POFUT3: variants seen among roughly 807,000 people sequenced by gnomAD.
POFUT3 encodes protein O-fucosyltransferase 3.
chr8:33,456,713 T>C, the POFUT3 span, among the ~76,000 whole-genome samples: 1 of 151,950 alleles, frequency 6.6e-6, no homozygotes, highest in Non-Finnish European at 1.5e-5. Context: ...ACCCAGTTTT[T>C]AAAAGTCCAT....
At chr8:33,314,152 T>C in the POFUT3 span, among the ~76,000 whole-genome samples, 1 of 152,180 alleles carries the variant, frequency 6.6e-6, no homozygotes, top group Non-Finnish European at 1.5e-5. Context: ...AATCAATTGA[T>C]GGCAGCTCAT....
chr8:33,470,913 T>C, the POFUT3 span, among the ~76,000 whole-genome samples: 1 of 152,146 alleles, frequency 6.6e-6, no homozygotes, highest in East Asian at 1.9e-4. Flanking sequence ...CAAGAGACAG[T>C]AATCCAGACA....
At chr8:33,453,816 G>A in the POFUT3 span, among the ~76,000 whole-genome samples, 2 of 151,932 alleles carry the variant, frequency 1.3e-5, no homozygotes, top group South Asian at 2.1e-4. Flanking sequence ...GCATGGTGGC[G>A]GCACACACCT....
At chr8:33,401,836 T>C in the POFUT3 span, among the ~76,000 whole-genome samples, 1 of 152,122 alleles carries the variant, frequency 6.6e-6, no homozygotes, top group Non-Finnish European at 1.5e-5. Context: ...GAGACCAGCC[T>C]GGCCAACATG....
At chr8:33,335,796 GA>G in the POFUT3 span, among the ~76,000 whole-genome samples, 2 of 152,080 alleles carry the variant, frequency 1.3e-5, no homozygotes, top group African/African-American at 4.8e-5. Context: ...ATCAAAAAGA[GA>G]AAATATATTT....
the POFUT3 span, among the ~76,000 whole-genome samples, chr8:33,312,373 C>A: frequency 2.0e-5 from 3 of 151,858 alleles, no homozygotes; most frequent in Non-Finnish European, 2.9e-5. Flanking sequence ...TGCCTACAAG[C>A]CAAGGCATGC....
At chr8:33,434,757 C>T in the POFUT3 span, among the ~76,000 whole-genome samples, 11 of 152,112 alleles carry the variant, frequency 7.2e-5, no homozygotes, top group East Asian at 2.1e-3. Flanking sequence ...GAGCGAGGCT[C>T]ACTGATGTGC....
chr8:33,423,817 G>GT, the POFUT3 span, among the ~76,000 whole-genome samples: 2 of 6,696 alleles, frequency 3.0e-4, no homozygotes, highest in Admixed American at 3.0e-3. Context: ...GGCACACCAA[G>GT]TAAAAAAAAA....
At chr8:33,350,699 G>GA in the POFUT3 span, among the ~76,000 whole-genome samples, 1 of 152,058 alleles carries the variant, frequency 6.6e-6, no homozygotes, top group South Asian at 2.1e-4. Flanking sequence ...TTTCCCAGTG[G>GA]AAAATTGATC....
the POFUT3 span, chr8:33,452,321 T>C: frequency 6.6e-6 from 1 of 152,152 alleles, no homozygotes; most frequent in Non-Finnish European, 1.5e-5. Flanking sequence ...ACAGCTCTAG[T>C]CATTTTCATC....
the POFUT3 span, among the ~76,000 whole-genome samples, chr8:33,329,016 T>G: frequency 1.7e-4 from 26 of 152,246 alleles, no homozygotes; most frequent in Admixed American, 1.7e-3. Context: ...ATGTAATGCC[T>G]AGTGAATCTA....
the POFUT3 span, among the ~76,000 whole-genome samples, chr8:33,380,961 C>G: frequency 1.3e-5 from 2 of 152,102 alleles, no homozygotes; most frequent in South Asian, 2.1e-4. Flanking sequence ...TAGTGAGACT[C>G]CAACTTTACA....
the POFUT3 span, chr8:33,389,748 C>T: frequency 6.2e-7 from 1 of 1,614,090 alleles, no homozygotes; most frequent in Non-Finnish European, 8.5e-7. Context: ...ACAGCCCAGT[C>T]ATGATGGGCT....
the POFUT3 span, among the ~76,000 whole-genome samples, chr8:33,407,985 C>T: frequency 1.1e-5 from 1 of 93,032 alleles, no homozygotes; most frequent in Non-Finnish European, 2.0e-5. Context: ...GAGACTCCAT[C>T]TCAAAAAAAA....
chr8:33,335,372 G>C, the POFUT3 span, among the ~76,000 whole-genome samples: 20 of 152,202 alleles, frequency 1.3e-4, no homozygotes, highest in Non-Finnish European at 2.1e-4. Flanking sequence ...CTATGAATAA[G>C]TACCTAATTA....
At chr8:33,318,697 T>A in the POFUT3 span, among the ~76,000 whole-genome samples, 64 of 78,162 alleles carry the variant, frequency 8.2e-4, no homozygotes, top group Admixed American at 2.3e-3. Context: ...TTTATATATA[T>A]TTATATAATA....
chr8:33,342,450 C>T, the POFUT3 span, among the ~76,000 whole-genome samples: 7 of 150,154 alleles, frequency 4.7e-5, no homozygotes, highest in Non-Finnish European at 1.0e-4. Flanking sequence ...ATATAAAGAA[C>T]TCTCAAAACT....
the POFUT3 span, among the ~76,000 whole-genome samples, chr8:33,446,308 T>C: frequency 3.3e-5 from 5 of 151,840 alleles, no homozygotes; most frequent in Non-Finnish European, 7.4e-5. Context: ...AATACAAAAA[T>C]TAGCCAGGTG....
chr8:33,411,380 T>C, the POFUT3 span, among the ~76,000 whole-genome samples: 8 of 152,366 alleles, frequency 5.3e-5, no homozygotes, highest in African/African-American at 1.9e-4. Flanking sequence ...CTGAAAAGGA[T>C]GTGCTGGTTT....
Sources: gnomAD v4.1 joint callset for allele counts (sites outside exome capture counted in the v4.1 genomes callset) on GRCh38, gnomAD v4.1.1 for gene constraint, MANE v1.5 for transcripts, NCBI Gene and HGNC (gene_info 2026-07-23, HGNC 2026-07-21) for gene names.